Variants in USP31 observed in about 807,000 individuals in gnomAD.
USP31 encodes the protein ubiquitin specific peptidase 31.
Under a neutral mutation model 119.4 loss-of-function variants are expected in USP31, and 44 were observed. That is an observed-to-expected ratio of 0.37 (90% CI 0.29 to 0.47). The LOEUF is 0.47. USP31 is among the 20% of genes least tolerant of loss of function. USP31 has a pLI of 0.99. For missense variants in USP31, 1,643 were observed against 1,730.2 expected, an observed-to-expected ratio of 0.95 and a Z score of 0.89; for synonymous variants, 749 against 705.6, an observed-to-expected ratio of 1.06 and a Z score of -0.97.
chr16:23,081,158 G>C (rs1900804129), intron 12 of USP31, among the ~76,000 whole-genome samples: 1 of 152,194 alleles, frequency 6.6e-6, no homozygotes, highest in African/African-American at 2.4e-5. Flanking sequence ...AGAGGGACAA[G>C]AAAGAAGAGT....
intron 1 of USP31, among the ~76,000 whole-genome samples, chr16:23,122,580 C>T (rs1902707768): frequency 6.6e-6 from 1 of 152,060 alleles, no homozygotes. Context: ...GATGAATAAA[C>T]AAAATGTGAA....
intron 6 of USP31, among the ~76,000 whole-genome samples, chr16:23,091,121 G>C (rs938054365): frequency 5.3e-5 from 8 of 152,084 alleles, no homozygotes; most frequent in Non-Finnish European, 1.0e-4. Context: ...AATTTAGTGA[G>C]GTCATGCAAC....
chr16:23,114,759 G>C (rs1433577904), intron 1 of USP31, among the ~76,000 whole-genome samples: 2 of 152,006 alleles, frequency 1.3e-5, no homozygotes, highest in Non-Finnish European at 2.9e-5. Flanking sequence ...TCGTAACTAG[G>C]GCAAAAACCA....
chr16:23,115,302 C>T (rs1225062824), intron 1 of USP31, among the ~76,000 whole-genome samples: 1 of 152,004 alleles, frequency 6.6e-6, no homozygotes, highest in Non-Finnish European at 1.5e-5. Context: ...TTATCAATGT[C>T]CTCTGTAAAT....
At position 23,088,826 on chromosome 16, in the gene USP31, G is replaced by A. The variant is rs144246928; in HGVS notation, c.1416-991C>T. Among the ~76,000 whole-genome samples, 1,039 of 152,240 alleles carry A rather than the reference G, an allele frequency of 6.8e-3. 7 individuals carry two copies. The highest frequency in any genetic ancestry group is 0.014 in the Middle Eastern group (4 of 294). The stretch of plus-strand genomic sequence containing the variant: ...ACTGTGATTTATTTATCTTAGTAGC[G>A]CAAACAGACAATGTCTAGAAAATAG... On this transcript the variant is annotated intron_variant, in intron 7 of 15. Coordinates refer to ENST00000219689, the MANE Select transcript of USP31 (RefSeq NM_020718.4).
chr16:23,149,315 C>G lies in USP31; in HGVS notation c.-45G>C. 9.8e-7 allele frequency: 1 copy of G among 1,023,620 alleles called. No individual in the cohort carries two copies. The highest frequency in any genetic ancestry group is 1.2e-6 in the Non-Finnish European group (1 of 856,638). The allele number at this position is 1,023,620 out of a possible 1,614,324, so 63.4% of individuals were successfully genotyped here. On this transcript the variant is annotated 5_prime_UTR_variant, in exon 1 of 16. Transcript: ENST00000219689. ...CATCACCGCGCCCGCCCGCCCGGCCCGCGGCCCCGCCACGGCCGCCGCCGC... is the reference window on the plus strand; with the variant it reads ...CATCACCGCGCCCGCCCGCCCGGCCGGCGGCCCCGCCACGGCCGCCGCCGC...
chr16:23,124,301 A>C (rs1567243888), intron 1 of USP31, among the ~76,000 whole-genome samples: 1 of 152,176 alleles, frequency 6.6e-6, no homozygotes, highest in African/African-American at 2.4e-5. Flanking sequence ...CAAAGAGTAC[A>C]AAATAATATG....
chr16:23,131,589 G>T (rs1903032329), intron 1 of USP31, among the ~76,000 whole-genome samples: 1 of 152,136 alleles, frequency 6.6e-6, no homozygotes, highest in Admixed American at 6.5e-5. Context: ...AGTACCAAAG[G>T]ACTGAAATGA....
rs916552579 is a variant in USP31, at chr16:23,064,293, T to C, written c.*3753A>G. 1 of 152,424 alleles carries C rather than the reference T, an allele frequency of 6.6e-6. No homozygotes were observed. Among genetic ancestry groups the C allele is most frequent in the Non-Finnish European group, 1.5e-5 (1 of 68,036 alleles). The allele number at this position is 152,424 out of a possible 1,614,324, so 9.4% of individuals were successfully genotyped here. The stretch of plus-strand genomic sequence containing the variant: ...TGAAATGTAACGTCTGATGCCCCTC[T>C]ATGTGAAATAAAGCACGCTTATTTC... On this transcript the variant is annotated 3_prime_UTR_variant, in exon 16 of 16. Coordinates refer to ENST00000219689, the MANE Select transcript of USP31 (RefSeq NM_020718.4).
At chr16:23,134,004 GAGGTCAAGGCTGC>G (rs1903108014) in intron 1 of USP31, among the ~76,000 whole-genome samples, 1 of 152,018 alleles carries the variant, frequency 6.6e-6, no homozygotes, top group South Asian at 2.1e-4. Flanking sequence ...TTGAGCCTGG[GAGGTCAAGGCTGC>G]AGTGAGCCAA....
rs574152240 is a variant in USP31, at chr16:23,122,030, C to T, written c.634-13847G>A. On this transcript the variant is annotated intron_variant, in intron 1 of 15. Transcript: ENST00000219689. ...TCATAAGACAATACAAAATAAAGATCACATGATGAAAATCTGGATATATGG... is the reference window on the plus strand; with the variant it reads ...TCATAAGACAATACAAAATAAAGATTACATGATGAAAATCTGGATATATGG... Among the ~76,000 whole-genome samples the T allele has an allele frequency of 2.6e-5, 4 of 152,194 alleles. No homozygotes were observed. In the South Asian group the frequency reaches 8.3e-4, roughly 32 times the overall value.
rs1277869342 is a variant in USP31 at position 23,064,244 on chromosome 16, C to T, written c.*3802G>A. 2 of 152,560 alleles carry T rather than the reference C, an allele frequency of 1.3e-5. No homozygotes were observed. Among genetic ancestry groups the T allele is most frequent in the African/African-American group, 2.4e-5 (1 of 41,434 alleles). The allele number at this position is 152,560 out of a possible 1,614,324, so 9.5% of individuals were successfully genotyped here. A position where few individuals can be genotyped will look rare whatever the true frequency, so the allele number is the denominator to read the frequency against. ...TAACCTACATTGGAAACAATCACTT[C>T]GGCTGTTCAGTAATTTGTCCGAATG... is the stretch of plus-strand genomic sequence containing the variant. On this transcript the variant is annotated 3_prime_UTR_variant, in exon 16 of 16. Transcript: ENST00000219689.
intron 12 of USP31, 59 bp from the exon 13 acceptor site, chr16:23,080,230 A>G: frequency 1.3e-5 from 18 of 1,418,214 alleles, no homozygotes; most frequent in Non-Finnish European, 1.6e-5. Context: ...ATGGCAGATC[A>G]CTTTAGAGGG....
intron 12 of USP31, among the ~76,000 whole-genome samples, chr16:23,080,387 T>C (rs1254930388): frequency 1.3e-5 from 2 of 152,168 alleles, no homozygotes; most frequent in Non-Finnish European, 2.9e-5. Flanking sequence ...AGGATCCATA[T>C]AGAGGGGGTA....
Position 23,069,105 on chromosome 16 carries a change from G to C in USP31, c.3000C>G (p.Ser1000Arg), listed in dbSNP as rs1900229542. The change falls in exon 16 of 16, where the codon AGC (serine) becomes AGG (arginine). Residue 1000 changes from serine to arginine, a missense_variant. Physicochemically the swap from Ser to Arg is moderately radical, Grantham distance 110. This residue lies in a region of USP31 where 699 missense variants were observed against 650.9 expected (regional missense o/e 1.07). Transcript: ENST00000219689. ...GGGCTTTCACCTCTTTGACTGGAGA[G>C]CTGTCTACGGAGTCGCTCTGATCCA... ...AYVDQSDSVDSSPVKEVKAPS... is the reference protein window; with the variant it reads ...AYVDQSDSVDRSPVKEVKAPS... 1.2e-6 allele frequency: 2 copies of C among 1,612,896 alleles called. No homozygotes were observed. Among genetic ancestry groups the C allele is most frequent in the Non-Finnish European group, 8.5e-7 (1 of 1,180,034 alleles).
At position 23,149,337 on chromosome 16, in the gene USP31, C is replaced by T. The variant is rs1903650305; in HGVS notation, c.-67G>A. The stretch of plus-strand genomic sequence containing the variant: ...GCCCGCGGCCCCGCCACGGCCGCCG[C>T]CGCATCCCGCAGCGCCGCGCCTCAC... On this transcript the variant is annotated 5_prime_UTR_variant, in exon 1 of 16. Coordinates refer to ENST00000219689, the MANE Select transcript of USP31 (RefSeq NM_020718.4). 1.2e-5 allele frequency: 12 copies of T among 1,002,502 alleles called. No homozygotes were observed. The highest frequency in any genetic ancestry group is 1.3e-5 in the Non-Finnish European group (11 of 842,952). 62.1% of individuals were successfully genotyped at this position (1,002,502 alleles called of 1,614,324 possible).
intron 1 of USP31, among the ~76,000 whole-genome samples, chr16:23,110,630 C>T (rs757705140): frequency 4.6e-5 from 7 of 152,144 alleles, no homozygotes; most frequent in African/African-American, 1.2e-4. Flanking sequence ...ATTAAGATCA[C>T]GGGCTCTGGA....
At chr16:23,072,933 A>T (rs553593057) in intron 14 of USP31, among the ~76,000 whole-genome samples, 1 of 151,942 alleles carries the variant, frequency 6.6e-6, no homozygotes, top group Admixed American at 6.6e-5. Context: ...TGCTTGAGAG[A>T]TGCCTTGTTT....
intron 11 of USP31, 93 bp from the exon 12 acceptor site, chr16:23,082,650 C>T (rs1900883903): frequency 3.2e-6 from 5 of 1,545,566 alleles, no homozygotes; most frequent in Non-Finnish European, 4.4e-6. Context: ...TGGTGCAACT[C>T]AAAATCTCTC....
Sources: allele counts gnomAD v4.1 joint callset (sites outside exome capture counted in the v4.1 genomes callset), GRCh38; gene constraint gnomAD v4.1.1; regional missense constraint gnomAD v4.1.1; transcripts MANE v1.5; gene names NCBI Gene and HGNC (gene_info 2026-07-23, HGNC 2026-07-21).